Variants in RBFOX1 observed in about 807,000 individuals in gnomAD.
RBFOX1 encodes RNA binding protein fox-1 homolog 1.
In RBFOX1, 8 loss-of-function variants were observed where a neutral mutation model predicts 57.7. The ratio of observed to expected loss-of-function variants is 0.14; its 90% CI spans 0.08 to 0.25. The LOEUF (loss-of-function observed/expected upper bound fraction) is 0.25. Among genes scored for constraint, RBFOX1 ranks in the 10% least tolerant of loss-of-function variants. The pLI is 1.00. For synonymous variants in RBFOX1, 326 were observed against 222.4 expected, an observed-to-expected ratio of 1.47 and a Z score of -4.15; for missense variants, 611 against 548.5, an observed-to-expected ratio of 1.11 and a Z score of -1.14.
At chr16:5,327,729 A>G (rs555110574) in intron 1 of RBFOX1, among the ~76,000 whole-genome samples, 14 of 152,294 alleles carry the variant, frequency 9.2e-5, no homozygotes, top group Admixed American at 1.3e-4. Context: ...GAGCTGCCCT[A>G]CTTTGCAAAA....
chr16:7,030,087 A>C (rs1244246841), intron 3 of RBFOX1, among the ~76,000 whole-genome samples: 1 of 152,164 alleles, frequency 6.6e-6, no homozygotes, highest in Non-Finnish European at 1.5e-5. Context: ...ATTATTACAA[A>C]TTGGTGCCAA....
downstream of RBFOX1, among the ~76,000 whole-genome samples, chr16:5,603,653 A>T (rs2047445163): frequency 1.3e-5 from 2 of 152,174 alleles, no homozygotes; most frequent in African/African-American, 4.8e-5. Flanking sequence ...TTATTAGAAA[A>T]AATGAGGGTC....
chr16:6,919,614 C>T (rs1021124356), intron 3 of RBFOX1, among the ~76,000 whole-genome samples: 3 of 152,032 alleles, frequency 2.0e-5, no homozygotes, highest in Non-Finnish European at 2.9e-5. Context: ...TATCTTCGAA[C>T]AAGTATCTGG....
At chr16:5,610,677 AT>A (rs1336753318) in intron 3 of RBFOX1, 6 of 133,556 alleles carry the variant, frequency 4.5e-5, no homozygotes, top group African/African-American at 1.5e-4. Flanking sequence ...CTTTGTCTCT[AT>A]AAAATCAGAA....
intron 3 of RBFOX1, among the ~76,000 whole-genome samples, chr16:6,674,647 C>G (rs981669380): frequency 4.6e-5 from 7 of 151,978 alleles, no homozygotes; most frequent in African/African-American, 1.2e-4. Flanking sequence ...AAGATGGAGA[C>G]CTGGAGATGT....
intron 4 of RBFOX1, among the ~76,000 whole-genome samples, chr16:7,239,389 C>G (rs779517809): frequency 1.3e-5 from 2 of 152,134 alleles, no homozygotes; most frequent in Admixed American, 6.6e-5. Flanking sequence ...ATCCCAGTTA[C>G]TTGGGAGTCT....
chr16:5,403,349 C>CAAAAAAAAAAAAAAAAAAA (rs767830099), intron 1 of RBFOX1, among the ~76,000 whole-genome samples: 1 of 82,258 alleles, frequency 1.2e-5, no homozygotes, highest in Non-Finnish European at 2.8e-5. Flanking sequence ...AACGCTGTCT[C>CAAAAAAAAAAAAAAAAAAA]AAAAAAAAAA....
At chr16:6,277,332 G>A (rs1436588698) in intron 1 of RBFOX1, among the ~76,000 whole-genome samples, 1 of 151,370 alleles carries the variant, frequency 6.6e-6, no homozygotes, top group African/African-American at 2.4e-5. Context: ...GTGATGGTGT[G>A]GTTCTGTAGT....
chr16:5,671,271 C>T (rs1210943903), intron 3 of RBFOX1, among the ~76,000 whole-genome samples: 2 of 152,106 alleles, frequency 1.3e-5, no homozygotes, highest in Non-Finnish European at 2.9e-5. Context: ...TCACTAAATG[C>T]GGTTCTGAAA....
Position 7,676,785 on chromosome 16 carries a change from T to G in RBFOX1, c.942T>G (p.Ala314=), listed in dbSNP as rs2073405134. Residue 314 remains alanine, a synonymous_variant, in exon 14 of 16, where the codon GCT becomes GCG. Coordinates refer to ENST00000550418, the MANE Select transcript of RBFOX1 (RefSeq NM_018723.4). Reference sequence around the variant, plus strand: ...TCCTTGTGTTTTAGGGTGGTTATGCTGCATACCGCTACGCCCAGCCTACCC... The same window carrying G: ...TCCTTGTGTTTTAGGGTGGTTATGCGGCATACCGCTACGCCCAGCCTACCC... ...FYGADIYGGY[A]AYRYAQPTPA... 6.2e-7 allele frequency: 1 copy of G among 1,613,146 alleles called. No individual in the cohort carries two copies. Among genetic ancestry groups the G allele is most frequent in the Non-Finnish European group, 8.5e-7 (1 of 1,179,380 alleles).
At chr16:7,342,418 G>A (rs999024656) in intron 4 of RBFOX1, among the ~76,000 whole-genome samples, 2 of 152,166 alleles carry the variant, frequency 1.3e-5, no homozygotes, top group African/African-American at 2.4e-5. Flanking sequence ...ACCTGTCTGC[G>A]GGGATGGTCA....
intron 2 of RBFOX1, among the ~76,000 whole-genome samples, chr16:6,562,484 T>C (rs2097191394): frequency 6.6e-6 from 1 of 152,242 alleles, no homozygotes; most frequent in Admixed American, 6.5e-5. Context: ...AGGAGGTATA[T>C]GTAGCAGGAT....
intron 4 of RBFOX1, among the ~76,000 whole-genome samples, chr16:7,417,502 T>C (rs953376638): frequency 8.7e-5 from 13 of 149,244 alleles, no homozygotes; most frequent in African/African-American, 2.8e-4. Flanking sequence ...TCCGCCTTAT[T>C]CGGATTTCAC....
At chr16:5,671,484 T>C (rs890583791) in intron 3 of RBFOX1, among the ~76,000 whole-genome samples, 1 of 152,228 alleles carries the variant, frequency 6.6e-6, no homozygotes, top group African/African-American at 2.4e-5. Flanking sequence ...GCGGTGCATG[T>C]TGGCATTCAG....
intron 1 of RBFOX1, among the ~76,000 whole-genome samples, chr16:6,188,199 C>A (rs561162051): frequency 2.6e-5 from 4 of 152,168 alleles, no homozygotes; most frequent in Admixed American, 2.0e-4. Flanking sequence ...TAAGCCTGTT[C>A]AGTTCAAACT....
chr16:6,777,904 T>C (rs2079650882), intron 3 of RBFOX1, among the ~76,000 whole-genome samples: 1 of 152,146 alleles, frequency 6.6e-6, no homozygotes, highest in Non-Finnish European at 1.5e-5. Context: ...CATATTGAAA[T>C]GACTTTTTCT....
intron 4 of RBFOX1, among the ~76,000 whole-genome samples, chr16:7,352,128 C>T (rs755614499): frequency 6.5e-4 from 99 of 152,226 alleles, no homozygotes; most frequent in East Asian, 3.1e-3. Context: ...AAGCACCCCA[C>T]GGCAGAAACA....
At chr16:7,679,066 C>G (rs866013471) in intron 14 of RBFOX1, among the ~76,000 whole-genome samples, 25 of 152,238 alleles carry the variant, frequency 1.6e-4, no homozygotes, top group Middle Eastern at 6.8e-3. Flanking sequence ...AAGACACTTG[C>G]CACATGGTAT....
At chr16:7,233,153 C>T (rs1438678634) in intron 4 of RBFOX1, among the ~76,000 whole-genome samples, 2 of 152,050 alleles carry the variant, frequency 1.3e-5, no homozygotes, top group African/African-American at 4.8e-5. Context: ...TAGAGTTAAT[C>T]CCAACCACCT....
Sources: gnomAD v4.1 joint callset for allele counts (sites outside exome capture counted in the v4.1 genomes callset) on GRCh38, gnomAD v4.1.1 for gene constraint, MANE v1.5 for transcripts, NCBI Gene and HGNC (gene_info 2026-07-23, HGNC 2026-07-21) for gene names.